FASN: variants seen among roughly 807,000 people sequenced by gnomAD.
The protein encoded by FASN is fatty acid synthase.
In FASN, 50 loss-of-function variants were observed where a neutral mutation model predicts 250.0. The ratio of observed to expected loss-of-function variants is 0.20; its 90% CI spans 0.16 to 0.25. The LOEUF (loss-of-function observed/expected upper bound fraction) is 0.25. Ranked by LOEUF, FASN falls within the 10% of genes least tolerant of loss-of-function variation. The pLI, the probability that FASN is intolerant of heterozygous loss-of-function variation, is 1.00. For missense variants in FASN, 3,031 were observed against 3,498.5 expected (o/e 0.87, Z 3.37); for synonymous variants, 1,909 against 1,584.0 (o/e 1.21, Z -4.87).
At chr17:82,096,206 C>T in intron 2 of FASN, 113 bp downstream of exon 2, 15 of 1,549,678 alleles carry the variant, frequency 9.7e-6, no homozygotes, top group Non-Finnish European at 1.3e-5. Context: ...TGGGACCGGC[C>T]TCAGGCCAGT....
In FASN at chr17:82,088,110, C is replaced by A; in HGVS notation, c.2785+6G>T. The A allele has an allele frequency of 3.1e-6, 5 of 1,612,776 alleles. No homozygotes were observed. Among genetic ancestry groups the A allele is most frequent in the Non-Finnish European group, 4.2e-6 (5 of 1,179,966 alleles). ...ACCCCCGCCTTGGTCCTGGGGTACC[C>A]CTCACCAGTCTTGGGCAGGATGGTG... On this transcript the variant is annotated splice_donor_region_variant and intron_variant, in intron 17 of 42. Coordinates refer to ENST00000306749, the MANE Select transcript of FASN (RefSeq NM_004104.5).
chr17:82,085,619 G>C lies in FASN; in HGVS notation c.3985C>G (p.Leu1329Val), dbSNP rs747603746. Reference sequence around the variant, plus strand: ...CTCAGGGCAGCCACCATGTTGCTGAGAGCTGAGGCCGGGTCCCCGAGGGCA... The same window carrying C: ...CTCAGGGCAGCCACCATGTTGCTGACAGCTGAGGCCGGGTCCCCGAGGGCA... ...VAALGDPASA[L>V]SNMVAALREG... Residue 1329 changes from leucine to valine, a missense_variant, in exon 23 of 43, where the codon CTC becomes GTC. By Grantham distance (32) the Leu-to-Val change is conservative. Coordinates refer to ENST00000306749, the MANE Select transcript of FASN (RefSeq NM_004104.5). 2 of 1,599,898 alleles carry C rather than the reference G, an allele frequency of 1.3e-6. No homozygotes were observed. The highest frequency in any genetic ancestry group is 1.7e-6 in the Non-Finnish European group (2 of 1,174,096).
chr17:82,079,637 G>C (rs1259350914), intron 41 of FASN, 29 bp from the exon 42 acceptor site: 2 of 1,597,444 alleles, frequency 1.3e-6, no homozygotes, highest in South Asian at 1.1e-5. Context: ...AGCAGGTGCT[G>C]GCAGCACCCA....
In FASN at chr17:82,079,224, C is replaced by T. The variant is rs1327028350; in HGVS notation, c.7455G>A (p.Leu2485=). 1.9e-6 allele frequency: 3 copies of T among 1,613,020 alleles called. No homozygotes were observed. The highest frequency in any genetic ancestry group is 2.2e-5 in the East Asian group (1 of 44,876). Residue 2485 remains leucine (L), a synonymous_variant, in exon 43 of 43, where the codon CTG becomes CTA. Coordinates refer to ENST00000306749, the MANE Select transcript of FASN (RefSeq NM_004104.5). ...TGATGGACTCCAGGCCGCTGCCCTCCAGCAGCGTGCGGTGGTCACCCTCGA... is the reference window on the plus strand; with the variant it reads ...TGATGGACTCCAGGCCGCTGCCCTCTAGCAGCGTGCGGTGGTCACCCTCGA... The part of the protein sequence containing the change: ...HVIEGDHRTL[L]EGSGLESIIS...
intron 11 of FASN, 139 bp downstream of exon 11, chr17:82,090,236 G>T: frequency 1.2e-6 from 1 of 814,770 alleles, no homozygotes; most frequent in Non-Finnish European, 1.9e-6. Flanking sequence ...GCGCACGGCT[G>T]TGTCCGAGCT....
At position 82,088,237 on chromosome 17, in the gene FASN, G is replaced by A. The variant is rs187612049; in HGVS notation, c.2664C>T (p.Ala888=). 1.4e-5 allele frequency: 22 copies of A among 1,609,930 alleles called. No individual in the cohort carries two copies. The highest frequency in any genetic ancestry group is 1.3e-4 in the African/African-American group (10 of 75,056). Reference sequence around the variant, plus strand: ...TCCACACTATGCTCAGGTAGCCAGTGGCGGGGAAGAGGACGCGACCGTCGA... The same window carrying A: ...TCCACACTATGCTCAGGTAGCCAGTAGCGGGGAAGAGGACGCGACCGTCGA... ...HTLDGRVLFP[A]TGYLSIVWKT... The change falls in exon 17 of 43, where the codon GCC becomes GCT. Residue 888 remains alanine (A), a synonymous_variant. Transcript: ENST00000306749.
At position 82,087,522 on chromosome 17, in the gene FASN, T is replaced by C. The variant is rs2144794676; in HGVS notation, c.3044-18A>G. 2.5e-6 allele frequency: 4 copies of C among 1,611,418 alleles called. No individual in the cohort carries two copies. The East Asian group carries it at 8.9e-5, about 36-fold the overall frequency. On this transcript the variant is annotated intron_variant, in intron 19 of 42. Transcript: ENST00000306749. ...CGAGTCACCTGCACACAGGGCCTGG[T>C]TGGTGCTGTGGAACTCCCAGGTCCC...
At position 82,080,782 on chromosome 17, in the gene FASN, G is replaced by T. The variant is rs1434371690; in HGVS notation, c.6736C>A (p.Leu2246Met). 4 of 1,605,090 alleles carry T rather than the reference G, an allele frequency of 2.5e-6. No individual in the cohort carries two copies. The Admixed American group carries it at 5.1e-5, about 21-fold the overall frequency. The change falls in exon 39 of 43, where the codon CTG (leucine) becomes ATG (methionine). Residue 2246 changes from leucine (L) to methionine (M), a missense_variant. Leu to Met is a conservative substitution (Grantham distance 15). Transcript: ENST00000306749. ...GTGGAGCCCTCGATTGGGTGCACCA[G>T]GAACAGGGGCCGCTCCGAGCTCTGC... is the stretch of plus-strand genomic sequence containing the variant. ...SVQSSERPLF[L>M]VHPIEGSTTV...
chr17:82,081,657 G>A lies in FASN; in HGVS notation c.6350C>T (p.Ala2117Val), dbSNP rs200770181. Residue 2117 changes from alanine to valine, a missense_variant, in exon 37 of 43, where the codon GCC becomes GTC. By Grantham distance (64) the Ala-to-Val change is moderately conservative. Transcript: ENST00000306749. ...CCGCTGGCTGTCCCTGTCCCTATAGGCCGCAGCCTTCTCAGCCAGCACAAA... is the reference window on the plus strand; with the variant it reads ...CCGCTGGCTGTCCCTGTCCCTATAGACCGCAGCCTTCTCAGCCAGCACAAA... ...SSFVLAEKAA[A>V]YRDRDSQRDL... 9 of 1,612,772 alleles carry A rather than the reference G, an allele frequency of 5.6e-6. No homozygotes were observed. In the East Asian group the frequency reaches 1.1e-4, roughly 20 times the overall value.
rs754519421 is a variant in FASN, at chr17:82,085,707, G to A, written c.3897C>T (p.Pro1299=). 27 of 1,567,188 alleles carry A rather than the reference G, an allele frequency of 1.7e-5. No homozygotes were observed. The South Asian group carries it at 1.9e-4, about 11-fold the overall frequency. ...QHDVAQGQWD[P]ADPAPSALGS... ...CCAGGGCGCTGGGGGCAGGGTCTGC[G>A]GGATCCCACTGGCCCTGGGCAACGT... The change falls in exon 23 of 43, where the codon CCC becomes CCT. Residue 1299 remains proline, a synonymous_variant. Transcript: ENST00000306749.
chr17:82,097,271 G>A (rs1473467339), intron 1 of FASN: 1 of 152,626 alleles, frequency 6.6e-6, no homozygotes, highest in Non-Finnish European at 1.5e-5. Context: ...CACACCACAG[G>A]AGGCCCTCCC....
intron 41 of FASN, 132 bp from the exon 42 acceptor site, chr17:82,079,740 G>A (rs1445037712): frequency 6.2e-6 from 8 of 1,285,520 alleles, no homozygotes; most frequent in East Asian, 2.5e-5. Context: ...GGAGTGGGGC[G>A]ATCTCAGCTC....
chr17:82,087,497 C>T lies in FASN; in HGVS notation c.3051G>A (p.Ser1017=), dbSNP rs772298601. 14 of 1,612,116 alleles carry T rather than the reference C, an allele frequency of 8.7e-6. No homozygotes were observed. Among genetic ancestry groups the T allele is most frequent in the East Asian group, 4.5e-5 (2 of 44,890 alleles). ...AGTTATCCTTCCACAGCAGCCTCCC[C>T]GAGTCACCTGCACACAGGGCCTGGT... is the stretch of plus-strand genomic sequence containing the variant. ...GILEASLEGD[S]GRLLWKDNWV... Residue 1017 remains serine (S), a synonymous_variant, in exon 20 of 43, where the codon TCG becomes TCA. Transcript: ENST00000306749.
rs578243609 is a variant in FASN, at chr17:82,088,372, C to T, written c.2593+18G>A. On this transcript the variant is annotated intron_variant, in intron 16 of 42. Transcript: ENST00000306749. The stretch of plus-strand genomic sequence containing the variant: ...GTGGGGAGGGAAGAGTCTGCCCACC[C>T]GCCGGGCCCCTGCTCACCGATGTTG... 31 of 1,611,698 alleles carry T rather than the reference C, an allele frequency of 1.9e-5. No homozygotes were observed. Among genetic ancestry groups the T allele is most frequent in the Middle Eastern group, 1.7e-4 (1 of 6,054 alleles).
Position 82,092,770 on chromosome 17 carries a change from C to G in FASN, c.821G>C (p.Arg274Pro). ...CACTCCGGCCGACTGGTACAACGAGCGGATGAGCTGCTCCTGGATATCCCC... is the reference window on the plus strand; with the variant it reads ...CACTCCGGCCGACTGGTACAACGAGGGGATGAGCTGCTCCTGGATATCCCC... ...PSGDIQEQLI[R>P]SLYQSAGVAP... Residue 274 changes from arginine (R) to proline (P), a missense_variant, in exon 7 of 43, where the codon CGC becomes CCC. Arg to Pro is a moderately radical substitution (Grantham distance 103, BLOSUM62 -2). Transcript: ENST00000306749. 6.2e-7 allele frequency: 1 copy of G among 1,605,342 alleles called. No individual in the cohort carries two copies. The highest frequency in any genetic ancestry group is 8.5e-7 in the Non-Finnish European group (1 of 1,177,422).
rs769088397 is a variant in FASN, at chr17:82,092,686, G to T, written c.894+11C>A. 3.1e-5 allele frequency: 38 copies of T among 1,208,064 alleles called. No individual in the cohort carries two copies. In the Middle Eastern group the frequency reaches 1.2e-3, roughly 38 times the overall value. The allele number at this position is 1,208,064 out of a possible 1,614,324, so 74.8% of individuals were successfully genotyped here. On this transcript the variant is annotated intron_variant, in intron 7 of 42. Transcript: ENST00000306749. ...TGGGGTGGTGAGTGGGGCGGGGGGG[G>T]GGGGCATCACCTTGGTGCCTGTGCC...
chr17:82,082,707 T>C, intron 33 of FASN, 29 bp from the exon 34 acceptor site: 1 of 1,604,072 alleles, frequency 6.2e-7, no homozygotes. Context: ...TGGGCTGGAC[T>C]GGGCCAGGGT....
At chr17:82,093,925 G>C (rs1266887481) in intron 3 of FASN, among the ~76,000 whole-genome samples, 154 bp from the exon 4 acceptor site, 1 of 151,836 alleles carries the variant, frequency 6.6e-6, no homozygotes, top group Non-Finnish European at 1.5e-5. Flanking sequence ...GGGGCCTAAG[G>C]AGGGTGAGGT....
Position 82,091,257 on chromosome 17 carries a change from G to A in FASN, c.1457C>T (p.Pro486Leu). ...ERGGPEVQQV[P>L]AGERPLWFIC... is the part of the protein sequence containing the mutation. ...GAACCAGAGCGGGCGCTCGCCAGCG[G>A]GCACCTGCTGCACCTCTGGGCCACC... Residue 486 changes from proline (P) to leucine (L), a missense_variant, in exon 9 of 43, where the codon CCC becomes CTC. Coordinates refer to ENST00000306749, the MANE Select transcript of FASN (RefSeq NM_004104.5). 1.2e-6 allele frequency: 2 copies of A among 1,602,532 alleles called. No homozygotes were observed. The highest frequency in any genetic ancestry group is 2.2e-5 in the South Asian group (2 of 90,458).
Sources: gnomAD v4.1 joint callset for allele counts (sites outside exome capture counted in the v4.1 genomes callset) on GRCh38, gnomAD v4.1.1 for gene constraint, MANE v1.5 for transcripts, NCBI Gene and HGNC (gene_info 2026-07-23, HGNC 2026-07-21) for gene names.